The following DBF4 variants were observed in gnomAD, a reference collection of about 807,000 sequenced individuals.
DBF4 encodes DBF4-CDC7 kinase regulatory subunit.
Under a neutral mutation model 76.6 loss-of-function variants are expected in DBF4, and 25 were observed. The observed-to-expected ratio is 0.33, with a 90% CI of 0.24 to 0.46. The LOEUF (loss-of-function observed/expected upper bound fraction) is 0.46, where lower values mean the gene tolerates loss of function less well. Among genes scored for constraint, DBF4 ranks in the 20% least tolerant of loss-of-function variants. The pLI, the probability that DBF4 is intolerant of heterozygous loss-of-function variation, is 1.00. For missense variants in DBF4, 638 were observed against 760.8 expected (o/e 0.84, Z 1.90); for synonymous variants, 213 against 258.0 (o/e 0.83, Z 1.67).
At chr7:87,886,981 T>C (rs552736365) in intron 4 of DBF4, 87 bp downstream of exon 4, 2 of 982,930 alleles carry the variant, frequency 2.0e-6, no homozygotes, top group South Asian at 3.2e-5. Flanking sequence ...AATTTTCCTT[T>C]CCACATTTTT....
chr7:87,893,984 A>C (rs968738384), intron 6 of DBF4, among the ~76,000 whole-genome samples: 2 of 152,168 alleles, frequency 1.3e-5, no homozygotes, highest in South Asian at 2.1e-4. Context: ...TACGATATAC[A>C]TGTGTGACCT....
intron 2 of DBF4, among the ~76,000 whole-genome samples, chr7:87,883,220 A>T (rs1431038449): frequency 6.6e-6 from 1 of 152,180 alleles, no homozygotes; most frequent in Non-Finnish European, 1.5e-5. Context: ...TATCTAGAAT[A>T]GCCAATTTCA....
Position 87,907,420 on chromosome 7 carries a change from G to C in DBF4, c.1282G>C (p.Glu428Gln). Residue 428 changes from glutamate (E) to glutamine (Q), a missense_variant, in exon 12 of 12, where the codon GAG becomes CAG. Glu to Gln is a conservative substitution (Grantham distance 29). Coordinates refer to ENST00000265728, the MANE Select transcript of DBF4 (RefSeq NM_006716.4). ...TTCAAATGAATTGAGAGGGCTTAATGAGAAAATGAGTAATAAATGTTCCAT... is the reference window on the plus strand; with the variant it reads ...TTCAAATGAATTGAGAGGGCTTAATCAGAAAATGAGTAATAAATGTTCCAT... The part of the protein sequence containing the change: ...HPSNELRGLN[E>Q]KMSNKCSMLS... 1.2e-6 allele frequency: 2 copies of C among 1,613,990 alleles called. No homozygotes were observed. The highest frequency in any genetic ancestry group is 1.7e-6 in the Non-Finnish European group (2 of 1,179,946).
At chr7:87,900,700 T>C in intron 9 of DBF4, 64 bp from the exon 10 acceptor site, 1 of 1,352,222 alleles carries the variant, frequency 7.4e-7, no homozygotes. Flanking sequence ...TTTAGGACAA[T>C]AAATTTTTAA....
chr7:87,901,995 TATGATTAGTCTAAAATTGCTTTTA>T lies in DBF4; in HGVS notation c.924+1120_924+1143del, dbSNP rs1365772578. Among the ~76,000 whole-genome samples the T allele has an allele frequency of 5.9e-5, 9 of 152,210 alleles. No individual in the cohort carries two copies. In the East Asian group the frequency reaches 1.7e-3, roughly 29 times the overall value. On this transcript the variant is annotated intron_variant, in intron 10 of 11. Coordinates refer to ENST00000265728, the MANE Select transcript of DBF4 (RefSeq NM_006716.4). ...GTTTTTATGTAATAAACAAGAAAAC[TATGATTAGTCTAAAATTGCTTTTA>T]ATCAGAAGCTAAAGTATCTCAGAAA...
At chr7:87,881,521 C>T (rs1839213491) in intron 2 of DBF4, among the ~76,000 whole-genome samples, 1 of 152,190 alleles carries the variant, frequency 6.6e-6, no homozygotes, top group East Asian at 1.9e-4. Flanking sequence ...CATAGAATGT[C>T]AAGAGAAAGG....
chr7:87,900,121 T>C, intron 8 of DBF4, 100 bp from the exon 9 acceptor site: 1 of 1,018,474 alleles, frequency 9.8e-7, no homozygotes, highest in Non-Finnish European at 1.4e-6. Context: ...ATTTGTTATT[T>C]CAGATTCCAG....
chr7:87,888,079 T>A lies in DBF4; in HGVS notation c.597+20T>A. 1 of 1,542,454 alleles carries A rather than the reference T, an allele frequency of 6.5e-7. No individual in the cohort carries two copies. The highest frequency in any genetic ancestry group is 1.4e-5 in the African/African-American group (1 of 71,156). On this transcript the variant is annotated intron_variant, in intron 6 of 11. Transcript: ENST00000265728. Reference sequence around the variant, plus strand: ...GATGGGGTATGTTTTCTTTTTCAATTTTTAAAGTGACCAAGCTTGGTTTTT... The same window carrying A: ...GATGGGGTATGTTTTCTTTTTCAATATTTAAAGTGACCAAGCTTGGTTTTT...
At chr7:87,902,747 A>C (rs1458408475) in intron 10 of DBF4, among the ~76,000 whole-genome samples, 1 of 152,222 alleles carries the variant, frequency 6.6e-6, no homozygotes, top group Non-Finnish European at 1.5e-5. Flanking sequence ...AAATTTTGAT[A>C]ATTCTTATTT....
intron 6 of DBF4, among the ~76,000 whole-genome samples, chr7:87,893,347 G>A (rs1463507310): frequency 6.7e-6 from 1 of 149,666 alleles, no homozygotes. Flanking sequence ...CCGGGTTCAC[G>A]CCATTCTCCT....
intron 1 of DBF4, 80 bp from the exon 2 acceptor site, chr7:87,877,973 C>T (rs1839111890): frequency 1.8e-6 from 2 of 1,119,568 alleles, no homozygotes; most frequent in African/African-American, 3.2e-5. Context: ...GATTTTTATT[C>T]TGTAATATTG....
intron 11 of DBF4, among the ~76,000 whole-genome samples, chr7:87,906,392 A>C (rs1020249798): frequency 1.4e-5 from 2 of 148,126 alleles, no homozygotes; most frequent in African/African-American, 2.5e-5. Flanking sequence ...AAGTAAATGT[A>C]TGAACAAGAT....
intron 10 of DBF4, among the ~76,000 whole-genome samples, chr7:87,903,371 G>T (rs549229302): frequency 6.6e-6 from 1 of 152,326 alleles, no homozygotes; most frequent in South Asian, 2.1e-4. Flanking sequence ...AAGCCACTGC[G>T]CCCAGTGGTT....
chr7:87,880,711 C>T (rs1839191132), intron 2 of DBF4, among the ~76,000 whole-genome samples: 1 of 152,088 alleles, frequency 6.6e-6, no homozygotes, highest in South Asian at 2.1e-4. Flanking sequence ...TCCCATTTAT[C>T]TGCAGAGTAT....
At chr7:87,901,968 T>C (rs1042902204) in intron 10 of DBF4, among the ~76,000 whole-genome samples, 7 of 152,230 alleles carry the variant, frequency 4.6e-5, no homozygotes, top group African/African-American at 1.7e-4. Flanking sequence ...GTCAGTTTTT[T>C]TGTTTTTATG....
intron 10 of DBF4, among the ~76,000 whole-genome samples, chr7:87,903,740 G>C (rs1839848243): frequency 7.1e-6 from 1 of 141,162 alleles, no homozygotes; most frequent in African/African-American, 2.7e-5. Context: ...TGTTGCCCAG[G>C]CTTGAGTACA....
At chr7:87,902,965 C>T (rs1839825223) in intron 10 of DBF4, among the ~76,000 whole-genome samples, 1 of 152,200 alleles carries the variant, frequency 6.6e-6, no homozygotes, top group African/African-American at 2.4e-5. Context: ...AGCTGACAGA[C>T]AAATAATAAA....
chr7:87,903,159 T>G (rs1839830483), intron 10 of DBF4, among the ~76,000 whole-genome samples: 1 of 152,248 alleles, frequency 6.6e-6, no homozygotes. Flanking sequence ...CTCAGCTCAC[T>G]GTAACCTCCA....
intron 11 of DBF4, 144 bp downstream of exon 11, chr7:87,904,560 C>T: frequency 3.1e-5 from 30 of 966,958 alleles, no homozygotes; most frequent in South Asian, 4.8e-5. Flanking sequence ...GCCAACATGG[C>T]AAAACCCCAT....
Sources: allele counts gnomAD v4.1 joint callset (sites outside exome capture counted in the v4.1 genomes callset), GRCh38; gene constraint gnomAD v4.1.1; transcripts MANE v1.5; gene names NCBI Gene and HGNC (gene_info 2026-07-23, HGNC 2026-07-21).